The following HPSE2 variants were observed in gnomAD, a reference collection of about 807,000 sequenced individuals.
HPSE2 encodes inactive heparanase-2.
Under a neutral mutation model 60.5 loss-of-function variants are expected in HPSE2, and 38 were observed. That is an observed-to-expected ratio of 0.63 (90% CI 0.48 to 0.82). The LOEUF (loss-of-function observed/expected upper bound fraction) is 0.82, where lower values mean the gene tolerates loss of function less well. Ranked by LOEUF, HPSE2 falls within the 40% of genes least tolerant of loss-of-function variation. The probability of loss-of-function intolerance (pLI) is 0.00; values close to 1 mark genes in which losing one functional copy is unlikely to be tolerated. For synonymous variants in HPSE2, 295 were observed against 293.2 expected (o/e 1.01, Z -0.06); for missense variants, 713 against 740.4 (o/e 0.96, Z 0.43).
the HPSE2 span, among the ~76,000 whole-genome samples, chr10:99,248,493 C>T: frequency 6.6e-6 from 1 of 152,244 alleles, no homozygotes; most frequent in South Asian, 2.1e-4. Context: ...GTAGCCTATG[C>T]ACACTCATGA....
At chr10:98,820,107 C>T (rs920374933) in intron 3 of HPSE2, among the ~76,000 whole-genome samples, 2 of 152,076 alleles carry the variant, frequency 1.3e-5, no homozygotes, top group African/African-American at 4.8e-5. Context: ...GTAGGAAAGT[C>T]AACAATATAC....
intron 3 of HPSE2, among the ~76,000 whole-genome samples, chr10:98,932,557 G>T (rs568228529): frequency 7.0e-6 from 1 of 142,354 alleles, no homozygotes; most frequent in Non-Finnish European, 1.5e-5. Flanking sequence ...CCAGCTCCTC[G>T]TTGTACCTCT....
intron 9 of HPSE2, among the ~76,000 whole-genome samples, chr10:98,520,774 C>G (rs745494871): frequency 1.3e-5 from 2 of 152,182 alleles, no homozygotes; most frequent in African/African-American, 2.4e-5. Flanking sequence ...TGGGATGGTA[C>G]TGGTACCAAA....
chr10:99,246,909 A>C, the HPSE2 span, among the ~76,000 whole-genome samples: 1 of 152,204 alleles, frequency 6.6e-6, no homozygotes, highest in Non-Finnish European at 1.5e-5. Context: ...CTGCTGTAGA[A>C]ATGCTAGAGT....
At chr10:98,889,971 A>G (rs548480606) in intron 3 of HPSE2, among the ~76,000 whole-genome samples, 1 of 152,338 alleles carries the variant, frequency 6.6e-6, no homozygotes, top group African/African-American at 2.4e-5. Context: ...GGTAAAATAC[A>G]TCCAGAACAT....
At chr10:98,602,344 G>A (rs1404069506) in intron 9 of HPSE2, among the ~76,000 whole-genome samples, 3 of 152,172 alleles carry the variant, frequency 2.0e-5, no homozygotes, top group Non-Finnish European at 2.9e-5. Flanking sequence ...GATGATGTCA[G>A]TAATTATGAA....
At chr10:99,086,345 TC>T (rs1426363493) in intron 3 of HPSE2, among the ~76,000 whole-genome samples, 67 of 131,560 alleles carry the variant, frequency 5.1e-4, no homozygotes, top group African/African-American at 1.5e-3. Context: ...AAAAGTACTT[TC>T]TTTTTTTTTT....
intron 2 of HPSE2, among the ~76,000 whole-genome samples, chr10:99,220,700 G>A (rs1255966076): frequency 6.6e-6 from 1 of 151,720 alleles, no homozygotes; most frequent in Non-Finnish European, 1.5e-5. Flanking sequence ...CTACTCCAGA[G>A]GCTGAGGCAG....
At chr10:99,290,996 T>C in the HPSE2 span, among the ~76,000 whole-genome samples, 1 of 152,132 alleles carries the variant, frequency 6.6e-6, no homozygotes, top group Non-Finnish European at 1.5e-5. Context: ...TGGTCTGATA[T>C]AAGTGAAAAG....
intron 3 of HPSE2, among the ~76,000 whole-genome samples, chr10:98,999,829 T>C (rs1011126317): frequency 6.6e-6 from 1 of 152,190 alleles, no homozygotes; most frequent in Non-Finnish European, 1.5e-5. Flanking sequence ...CCATTAAGCT[T>C]AACAGTGTTG....
At chr10:98,552,995 T>G (rs765916354) in intron 9 of HPSE2, among the ~76,000 whole-genome samples, 2 of 152,204 alleles carry the variant, frequency 1.3e-5, no homozygotes, top group Non-Finnish European at 2.9e-5. Context: ...AAAAGACCCT[T>G]AATAAAAATT....
chr10:98,780,924 C>T (rs1950450823), intron 3 of HPSE2, among the ~76,000 whole-genome samples: 1 of 152,004 alleles, frequency 6.6e-6, no homozygotes, highest in Admixed American at 6.6e-5. Context: ...AGGGTGGGAG[C>T]ATATGACTTA....
chr10:99,200,080 A>C (rs879928056), intron 2 of HPSE2, among the ~76,000 whole-genome samples: 1 of 152,134 alleles, frequency 6.6e-6, no homozygotes, highest in African/African-American at 2.4e-5. Context: ...CAGATAGCTC[A>C]ATGTTAGTGT....
intron 3 of HPSE2, among the ~76,000 whole-genome samples, chr10:99,106,443 T>C (rs1193760021): frequency 6.6e-6 from 1 of 152,050 alleles, no homozygotes; most frequent in African/African-American, 2.4e-5. Context: ...TGTATTTTTG[T>C]CCTTCATTCT....
chr10:99,300,409 G>A, the HPSE2 span, among the ~76,000 whole-genome samples: 535 of 152,256 alleles, frequency 3.5e-3, 4 homozygotes, highest in African/African-American at 0.012. Context: ...GGATATAGGA[G>A]TAGCCTACTC....
At chr10:98,867,224 A>C (rs978021112) in intron 3 of HPSE2, among the ~76,000 whole-genome samples, 1 of 152,092 alleles carries the variant, frequency 6.6e-6, no homozygotes, top group Admixed American at 6.6e-5. Context: ...TTGGGGAGAA[A>C]ATACTTGCAA....
At chr10:98,651,520 T>G (rs957091544) in intron 6 of HPSE2, among the ~76,000 whole-genome samples, 13 of 152,182 alleles carry the variant, frequency 8.5e-5, no homozygotes, top group African/African-American at 3.1e-4. Flanking sequence ...CCATCCTTTC[T>G]TTTAAAAAAT....
intron 3 of HPSE2, among the ~76,000 whole-genome samples, chr10:98,841,925 G>C (rs1024355580): frequency 1.3e-5 from 2 of 151,856 alleles, no homozygotes; most frequent in African/African-American, 4.8e-5. Flanking sequence ...TCCTGCCTCA[G>C]CCTCCAGAGT....
chr10:98,625,828 C>T (rs946879792), intron 7 of HPSE2, among the ~76,000 whole-genome samples: 1 of 152,070 alleles, frequency 6.6e-6, no homozygotes, highest in South Asian at 2.1e-4. Context: ...ATAGGCCGGG[C>T]GTGGTGGCTC....
Sources: allele counts gnomAD v4.1 joint callset (sites outside exome capture counted in the v4.1 genomes callset), GRCh38; gene constraint gnomAD v4.1.1; transcripts MANE v1.5; gene names NCBI Gene and HGNC (gene_info 2026-07-23, HGNC 2026-07-21).